Variants in CARM1 observed in about 807,000 individuals in gnomAD.
The protein encoded by CARM1 is coactivator associated arginine methyltransferase 1.
In CARM1, 14 loss-of-function variants were observed where a neutral mutation model predicts 72.7. The ratio of observed to expected loss-of-function variants is 0.19; its 90% CI spans 0.13 to 0.30. The LOEUF (loss-of-function observed/expected upper bound fraction) is 0.30. Among genes scored for constraint, CARM1 ranks in the 10% least tolerant of loss-of-function variants. CARM1 has a pLI of 1.00. For synonymous variants in CARM1, 333 were observed against 345.5 expected (o/e 0.96, Z 0.40); for missense variants, 432 against 833.7 (o/e 0.52, Z 5.93).
rs1432371088 is a variant in CARM1 at position 10,922,727 on chromosome 19, GAAA to G, written c.*975_*977del. The G allele has an allele frequency of 6.6e-6, 1 of 152,230 alleles. No homozygotes were observed. The highest frequency in any genetic ancestry group is 6.6e-5 in the Admixed American group (1 of 15,256). 9.4% of individuals were successfully genotyped at this position (152,230 alleles called of 1,614,324 possible). On this transcript the variant is annotated 3_prime_UTR_variant, in exon 16 of 16. Transcript: ENST00000327064. The stretch of plus-strand genomic sequence containing the variant: ...GCAGGGACCTCTCCCTCCAAAAAAA[GAAA>G]AAAAGAAAAAGAAAGAAAAAATAAA...
rs938539306 is a variant in CARM1 at position 10,871,905 on chromosome 19, G to T, written c.203G>T (p.Gly68Val). ...LEVRAGPDSA[G>V]IALYSHEDVC... ...GTGCGCGCCGGCCCGGACTCGGCGG[G>T]CATCGCCCTCTACAGCCGTGAGTAC... The change falls in exon 1 of 16, where the codon GGC (glycine) becomes GTC (valine). Residue 68 changes from glycine to valine, a missense_variant. Physicochemically the swap from Gly to Val is moderately radical, Grantham distance 109. Around this residue, in one of 3 missense-constraint regions of CARM1, gnomAD observed 138 missense variants for 192.3 expected, o/e 0.72. Transcript: ENST00000327064. This position sits in a 1 kb window ranked among gnomAD's most constrained non-coding sequence, Gnocchi z 5.6. The T allele has an allele frequency of 6.5e-6, 8 of 1,224,900 alleles. No individual in the cohort carries two copies. In the Admixed American group the frequency reaches 1.7e-4, roughly 27 times the overall value. 75.9% of individuals were successfully genotyped at this position (1,224,900 alleles called of 1,614,324 possible).
rs961693335 is a variant in CARM1, at chr19:10,896,081, G to A, written c.221-8870G>A. On this transcript the variant is annotated intron_variant, in intron 1 of 15. Transcript: ENST00000327064. The surrounding 1 kb of genome is among the most constrained non-coding windows in gnomAD (Gnocchi z 5.2). Reference sequence around the variant, plus strand: ...GGAAGGTGCTGGGGAACCGTGGGGCGGTGTGAAGCAGGCGGGTTGTGTTAG... The same window carrying A: ...GGAAGGTGCTGGGGAACCGTGGGGCAGTGTGAAGCAGGCGGGTTGTGTTAG... 3.3e-5 allele frequency among the ~76,000 whole-genome samples: 5 copies of A among 152,072 alleles called. No individual in the cohort carries two copies. Among genetic ancestry groups the A allele is most frequent in the Admixed American group, 6.6e-5 (1 of 15,258 alleles).
At chr19:10,885,679 C>T (rs748994022) in intron 1 of CARM1, among the ~76,000 whole-genome samples, 2 of 152,252 alleles carry the variant, frequency 1.3e-5, no homozygotes, top group Admixed American at 6.5e-5. Context: ...TTGAACAGGA[C>T]GGGAAGGCGA....
intron 1 of CARM1, among the ~76,000 whole-genome samples, chr19:10,875,720 G>A (rs373440821): frequency 3.3e-5 from 5 of 150,448 alleles, no homozygotes; most frequent in African/African-American, 9.8e-5. Flanking sequence ...CACCGTGCCC[G>A]GCCCCAGCTG....
rs138041793 is a variant in CARM1, at chr19:10,895,075, G to A, written c.221-9876G>A. 1.5e-3 allele frequency among the ~76,000 whole-genome samples: 230 copies of A among 151,890 alleles called. 1 individual carries two copies. Among genetic ancestry groups the A allele is most frequent in the African/African-American group, 5.3e-3 (219 of 41,384 alleles). ...CCTTATTCTCTATCTGCCAAAGAATGTGGCCCTGATGTCACGACAGCATGG... is the reference window on the plus strand; with the variant it reads ...CCTTATTCTCTATCTGCCAAAGAATATGGCCCTGATGTCACGACAGCATGG... On this transcript the variant is annotated intron_variant, in intron 1 of 15. Transcript: ENST00000327064.
At chr19:10,888,308 C>G (rs1243374136) in intron 1 of CARM1, among the ~76,000 whole-genome samples, 1 of 152,182 alleles carries the variant, frequency 6.6e-6, no homozygotes. Flanking sequence ...GCCCCCAGTA[C>G]CTCCCAGCTG....
chr19:10,905,451 C>T (rs143467792), intron 2 of CARM1, among the ~76,000 whole-genome samples: 114 of 152,190 alleles, frequency 7.5e-4, no homozygotes, highest in African/African-American at 2.5e-3. Context: ...TTGCTCAGGG[C>T]GCAGAGAAGC....
At position 10,914,054 on chromosome 19, in the gene CARM1, G is replaced by T; in HGVS notation, c.847G>T (p.Gly283Ter). Reference sequence around the variant, plus strand: ...CGCCAAGAAGTACCTGAAGCCCAGCGGTGAGCACTGGGGGGTACACAGGCC... The same window carrying T: ...CGCCAAGAAGTACCTGAAGCCCAGCTGTGAGCACTGGGGGGTACACAGGCC... ...LHAKKYLKPS[G>*]NMFPTIGDVH... Residue 283 changes from glycine (G) to a stop codon, truncating the protein, a stop_gained and splice_region_variant, in exon 6 of 16, where the codon GGA becomes TGA. Coordinates refer to ENST00000327064, the MANE Select transcript of CARM1 (RefSeq NM_199141.2). LOFTEE classifies it high-confidence loss of function. The T allele has an allele frequency of 6.2e-7, 1 of 1,610,556 alleles. No homozygotes were observed. The highest frequency in any genetic ancestry group is 8.5e-7 in the Non-Finnish European group (1 of 1,178,738).
intron 1 of CARM1, among the ~76,000 whole-genome samples, chr19:10,877,524 G>C (rs1182169879): frequency 6.6e-6 from 1 of 152,118 alleles, no homozygotes; most frequent in East Asian, 1.9e-4. Flanking sequence ...CCAGGTTCAA[G>C]TGATTCTCAT....
intron 4 of CARM1, among the ~76,000 whole-genome samples, chr19:10,909,610 G>A (rs750609936): frequency 5.3e-5 from 8 of 151,710 alleles, no homozygotes; most frequent in Non-Finnish European, 8.8e-5. Context: ...GGTGGTGGGC[G>A]CCTGTAGTCC....
At position 10,921,732 on chromosome 19, in the gene CARM1, C is replaced by G; in HGVS notation, c.1802C>G (p.Thr601Ser). The G allele has an allele frequency of 6.2e-7, 1 of 1,611,544 alleles. No homozygotes were observed. The highest frequency in any genetic ancestry group is 8.5e-7 in the Non-Finnish European group (1 of 1,178,578). ...ATGGCGTCGCCCATGTCCATCCCGA[C>G]CAACACCATGCACTACGGGAGCTAG... ...ISMASPMSIP[T>S]NTMHYGS The change falls in exon 16 of 16, where the codon ACC becomes AGC. Residue 601 changes from threonine to serine, a missense_variant. Physicochemically the swap from Thr to Ser is moderately conservative, Grantham distance 58 (BLOSUM62 1). This residue lies in a region of CARM1 where 142 missense variants were observed against 188.7 expected (regional missense o/e 0.75). Coordinates refer to ENST00000327064, the MANE Select transcript of CARM1 (RefSeq NM_199141.2).
chr19:10,874,500 C>T (rs1381539572), intron 1 of CARM1, among the ~76,000 whole-genome samples: 1 of 151,966 alleles, frequency 6.6e-6, no homozygotes, highest in Non-Finnish European at 1.5e-5. Context: ...TAAAGTGATC[C>T]TCATACCTCA....
At chr19:10,883,735 T>G (rs917033308) in intron 1 of CARM1, among the ~76,000 whole-genome samples, 1 of 152,186 alleles carries the variant, frequency 6.6e-6, no homozygotes, top group African/African-American at 2.4e-5. Context: ...TTAAAAAAAT[T>G]GGCTGGGAGT....
At chr19:10,899,777 G>A (rs2074050939) in intron 1 of CARM1, among the ~76,000 whole-genome samples, 1 of 150,652 alleles carries the variant, frequency 6.6e-6, no homozygotes. Context: ...CTGGAGTGCA[G>A]TGGTGCCATC....
At chr19:10,902,495 G>T (rs1208390599) in intron 1 of CARM1, among the ~76,000 whole-genome samples, 1 of 151,628 alleles carries the variant, frequency 6.6e-6, no homozygotes, top group South Asian at 2.1e-4. Flanking sequence ...ATTTTTAGTA[G>T]ACACAGGGTT....
Position 10,887,227 on chromosome 19 carries a change from C to T in CARM1, c.220+15305C>T, listed in dbSNP as rs150110147. Among the ~76,000 whole-genome samples the T allele has an allele frequency of 1.8e-3, 271 of 152,342 alleles. 2 individuals carry two copies. The highest frequency in any genetic ancestry group is 6.2e-3 in the African/African-American group (257 of 41,586). ...GCAAGGCCATGGAGGAAGTGCCTGC[C>T]CAAGGCTTACCCCTGCTGCTCCTGG... On this transcript the variant is annotated intron_variant, in intron 1 of 15. Coordinates refer to ENST00000327064, the MANE Select transcript of CARM1 (RefSeq NM_199141.2).
intron 1 of CARM1, among the ~76,000 whole-genome samples, chr19:10,872,853 C>T (rs953197339): frequency 1.3e-5 from 2 of 152,066 alleles, no homozygotes; most frequent in African/African-American, 4.8e-5. Flanking sequence ...GCTTCTTGCA[C>T]TGATGCCCTG....
intron 1 of CARM1, among the ~76,000 whole-genome samples, chr19:10,891,359 C>T (rs913652752): frequency 6.6e-6 from 1 of 152,176 alleles, no homozygotes; most frequent in Non-Finnish European, 1.5e-5. Flanking sequence ...AGGTTCAAAC[C>T]TGGATCTTAC....
intron 1 of CARM1, among the ~76,000 whole-genome samples, chr19:10,875,779 A>G (rs1159763369): frequency 6.6e-6 from 1 of 151,036 alleles, no homozygotes; most frequent in African/African-American, 2.4e-5. Context: ...CCCACTTTAT[A>G]TCTAGGATGA....
Sources: allele counts gnomAD v4.1 joint callset (sites outside exome capture counted in the v4.1 genomes callset), GRCh38; gene constraint gnomAD v4.1.1; regional missense constraint gnomAD v4.1.1; non-coding constraint Gnocchi (gnomAD v3.1); transcripts MANE v1.5; gene names NCBI Gene and HGNC (gene_info 2026-07-23, HGNC 2026-07-21).